FZD7: variants seen among roughly 807,000 people sequenced by gnomAD.
The protein encoded by FZD7 is frizzled class receptor 7, also known as frizzled-7.
A neutral mutation model predicts 39.0 loss-of-function variants in FZD7; 21 were observed. The ratio of observed to expected loss-of-function variants is 0.54; its 90% CI spans 0.38 to 0.78. The LOEUF is 0.78. FZD7 is among the 30% of genes least tolerant of loss of function. FZD7 has a pLI of 0.00. For synonymous variants in FZD7, 428 were observed against 364.9 expected (o/e 1.17, Z -1.97); for missense variants, 695 against 805.0 (o/e 0.86, Z 1.65).
At position 202,037,463 on chromosome 2, in the gene FZD7, T is replaced by A. The variant is rs1271539243; in HGVS notation, c.*1091T>A. 1 of 167,150 alleles carries A rather than the reference T, an allele frequency of 6.0e-6. No homozygotes were observed. The highest frequency in any genetic ancestry group is 2.4e-5 in the African/African-American group (1 of 41,478). The allele number at this position is 167,150 out of a possible 1,614,324, so 10.4% of individuals were successfully genotyped here. On this transcript the variant is annotated 3_prime_UTR_variant, in exon 1 of 1. Coordinates refer to ENST00000286201, the MANE Select transcript of FZD7 (RefSeq NM_003507.2). ...GCTAAAGGAAATGTAAGAGGTTTTG[T>A]TGTCTGTTTTAAATAAATTTAATTC... is the stretch of plus-strand genomic sequence containing the variant.
Position 202,035,329 on chromosome 2 carries a change from C to G in FZD7, c.682C>G (p.Arg228Gly). 2 of 1,611,474 alleles carry G rather than the reference C, an allele frequency of 1.2e-6. No individual in the cohort carries two copies. Among genetic ancestry groups the G allele is most frequent in the African/African-American group, 1.3e-5 (1 of 75,050 alleles). The change falls in exon 1 of 1, where the codon CGC becomes GGC. Residue 228 changes from arginine (R) to glycine (G), a missense_variant. Physicochemically the swap from Arg to Gly is moderately radical, Grantham distance 125. Transcript: ENST00000286201. ...CCTGGGCTACCGCTTCCTGGGTGAG[C>G]GCGATTGTGGCGCCCCGTGCGAACC... Reference protein sequence around the residue: ...PYLGYRFLGERDCGAPCEPGR... With the variant: ...PYLGYRFLGEGDCGAPCEPGR...
chr2:202,037,847 G>T lies in FZD7; in HGVS notation c.*1475G>T, dbSNP rs1319853411. 6.0e-6 allele frequency: 1 copy of T among 167,076 alleles called. No homozygotes were observed. Among genetic ancestry groups the T allele is most frequent in the Non-Finnish European group, 1.5e-5 (1 of 68,118 alleles). 10.3% of individuals were successfully genotyped at this position (167,076 alleles called of 1,614,324 possible). On this transcript the variant is annotated 3_prime_UTR_variant, in exon 1 of 1. Coordinates refer to ENST00000286201, the MANE Select transcript of FZD7 (RefSeq NM_003507.2). ...CCATCTTTAAAGAAAGTCATTAAAA[G>T]AAGGTAAACTTCAAAGTGATTCTGG... is the stretch of plus-strand genomic sequence containing the variant.
In FZD7 at chr2:202,038,214, A is replaced by G. The variant is rs940385239; in HGVS notation, c.*1842A>G. The G allele has an allele frequency of 1.2e-5, 2 of 167,062 alleles. No homozygotes were observed. Among genetic ancestry groups the G allele is most frequent in the African/African-American group, 4.8e-5 (2 of 41,446 alleles). 10.3% of individuals were successfully genotyped at this position (167,062 alleles called of 1,614,324 possible). A position where few individuals can be genotyped will look rare whatever the true frequency, so the allele number is the denominator to read the frequency against. On this transcript the variant is annotated 3_prime_UTR_variant, in exon 1 of 1. Transcript: ENST00000286201. Reference sequence around the variant, plus strand: ...CTATCTCATCTGTCAGATTTTTAAAACTCCAACACAGGTTTTGGCATCTTT... The same window carrying G: ...CTATCTCATCTGTCAGATTTTTAAAGCTCCAACACAGGTTTTGGCATCTTT...
Position 202,035,802 on chromosome 2 carries a change from G to A in FZD7, c.1155G>A (p.Ala385=), listed in dbSNP as rs140334850. 3 of 1,614,078 alleles carry A rather than the reference G, an allele frequency of 1.9e-6. No homozygotes were observed. The highest frequency in any genetic ancestry group is 2.5e-6 in the Non-Finnish European group (3 of 1,180,018). The part of the protein sequence containing the change: ...EANSQYFHLA[A]WAVPAVKTIT... Reference sequence around the variant, plus strand: ...ACTCGCAGTACTTCCACCTGGCCGCGTGGGCCGTGCCCGCCGTCAAGACCA... The same window carrying A: ...ACTCGCAGTACTTCCACCTGGCCGCATGGGCCGTGCCCGCCGTCAAGACCA... The change falls in exon 1 of 1, where the codon GCG becomes GCA. Residue 385 remains alanine (A), a synonymous_variant. Transcript: ENST00000286201.
chr2:202,035,762 A>G lies in FZD7; in HGVS notation c.1115A>G (p.Glu372Gly). 6.2e-7 allele frequency: 1 copy of G among 1,614,030 alleles called. No individual in the cohort carries two copies. The highest frequency in any genetic ancestry group is 8.5e-7 in the Non-Finnish European group (1 of 1,180,024). ...FLAAGMKWGH[E>G]AIEANSQYFH... ...GCGGCCGGCATGAAGTGGGGCCACG[A>G]GGCCATCGAGGCCAACTCGCAGTAC... The change falls in exon 1 of 1, where the codon GAG becomes GGG. Residue 372 changes from glutamate (E) to glycine (G), a missense_variant. By Grantham distance (98) the Glu-to-Gly change is moderately conservative. Transcript: ENST00000286201.
Position 202,034,736 on chromosome 2 carries a change from C to T in FZD7, c.89C>T (p.Ala30Val), listed in dbSNP as rs942992895. Reference protein sequence around the residue: ...LALLGALSAGAGAQPYHGEKG... With the variant: ...LALLGALSAGVGAQPYHGEKG... Reference sequence around the variant, plus strand: ...CTGCTGGGCGCACTGTCCGCGGGCGCCGGGGCGCAGCCGTACCACGGAGAG... The same window carrying T: ...CTGCTGGGCGCACTGTCCGCGGGCGTCGGGGCGCAGCCGTACCACGGAGAG... Residue 30 changes from alanine (A) to valine (V), a missense_variant, in exon 1 of 1, where the codon GCC (alanine) becomes GTC (valine). Transcript: ENST00000286201. The T allele has an allele frequency of 6.2e-7, 1 of 1,611,950 alleles. No individual in the cohort carries two copies. The highest frequency in any genetic ancestry group is 1.1e-5 in the South Asian group (1 of 90,994).
rs200370632 is a variant in FZD7 at position 202,036,186 on chromosome 2, G to A, written c.1539G>A (p.Val513=). The A allele has an allele frequency of 8.7e-6, 14 of 1,613,472 alleles. No homozygotes were observed. In the African/African-American group the frequency reaches 1.6e-4, roughly 18 times the overall value. Residue 513 remains valine (V), a synonymous_variant, in exon 1 of 1, where the codon GTG becomes GTA. Transcript: ENST00000286201. ...WLLQTCKSYA[V]PCPPGHFPPM... ...TGCAGACGTGCAAGAGCTATGCCGT[G>A]CCCTGCCCGCCCGGCCACTTCCCGC...
Position 202,036,433 on chromosome 2 carries a change from G to A in FZD7, c.*61G>A. 2.3e-6 allele frequency: 3 copies of A among 1,287,586 alleles called. No homozygotes were observed. The highest frequency in any genetic ancestry group is 3.3e-6 in the Non-Finnish European group (3 of 914,596). The allele number at this position is 1,287,586 out of a possible 1,614,324, so 79.8% of individuals were successfully genotyped here. A position where few individuals can be genotyped will look rare whatever the true frequency, so the allele number is the denominator to read the frequency against. On this transcript the variant is annotated 3_prime_UTR_variant, in exon 1 of 1. Transcript: ENST00000286201. ...TCTTGCAAGAGGAGAGGCACGGTAG[G>A]GAAAAGAACTGCTGGGTGGGGGCCT...
At position 202,037,272 on chromosome 2, in the gene FZD7, C is replaced by T. The variant is rs1688762448; in HGVS notation, c.*900C>T. 1 of 167,012 alleles carries T rather than the reference C, an allele frequency of 6.0e-6. No individual in the cohort carries two copies. The highest frequency in any genetic ancestry group is 2.4e-5 in the African/African-American group (1 of 41,448). 10.3% of individuals were successfully genotyped at this position (167,012 alleles called of 1,614,324 possible). On this transcript the variant is annotated 3_prime_UTR_variant, in exon 1 of 1. Coordinates refer to ENST00000286201, the MANE Select transcript of FZD7 (RefSeq NM_003507.2). ...GACAAAAGAGGAAACAAAAGTGTCT[C>T]CCTGTGGAAAGGCATAACTGTGACG...
At position 202,037,624 on chromosome 2, in the gene FZD7, ACAT is replaced by A. The variant is rs1688767662; in HGVS notation, c.*1253_*1255del. 1 of 165,666 alleles carries A rather than the reference ACAT, an allele frequency of 6.0e-6. No homozygotes were observed. Among genetic ancestry groups the A allele is most frequent in the Non-Finnish European group, 1.5e-5 (1 of 67,340 alleles). 10.3% of individuals were successfully genotyped at this position (165,666 alleles called of 1,614,324 possible). ...CATTTGGATCCTTTGAGGTAAAAAAACATAATGTCTTCAGCCTCATAATAAAGG... is the reference window on the plus strand; with the variant it reads ...CATTTGGATCCTTTGAGGTAAAAAAAAATGTCTTCAGCCTCATAATAAAGG... On this transcript the variant is annotated 3_prime_UTR_variant, in exon 1 of 1. Coordinates refer to ENST00000286201, the MANE Select transcript of FZD7 (RefSeq NM_003507.2).
chr2:202,035,615 G>A lies in FZD7; in HGVS notation c.968G>A (p.Gly323Asp). The part of the protein sequence containing the change: ...AVCVERFSDD[G>D]YRTVAQGTKK... ...TGCGTGGAGCGCTTCTCGGACGATG[G>A]CTACCGCACGGTGGCGCAGGGCACC... The change falls in exon 1 of 1, where the codon GGC (glycine) becomes GAC (aspartate). Residue 323 changes from glycine to aspartate, a missense_variant. Coordinates refer to ENST00000286201, the MANE Select transcript of FZD7 (RefSeq NM_003507.2). 6.2e-7 allele frequency: 1 copy of A among 1,614,194 alleles called. No individual in the cohort carries two copies. The highest frequency in any genetic ancestry group is 8.5e-7 in the Non-Finnish European group (1 of 1,180,038).
In FZD7 at chr2:202,037,365, T is replaced by G. The variant is rs1042847502; in HGVS notation, c.*993T>G. 1 of 167,124 alleles carries G rather than the reference T, an allele frequency of 6.0e-6. No individual in the cohort carries two copies. Among genetic ancestry groups the G allele is most frequent in the African/African-American group, 2.4e-5 (1 of 41,462 alleles). The allele number at this position is 167,124 out of a possible 1,614,324, so 10.4% of individuals were successfully genotyped here. ...CCGTTGGTTGTTAATTTGGTTGAGATAAACATTCCTTTTTAAGGAAAAGTG... is the reference window on the plus strand; with the variant it reads ...CCGTTGGTTGTTAATTTGGTTGAGAGAAACATTCCTTTTTAAGGAAAAGTG... On this transcript the variant is annotated 3_prime_UTR_variant, in exon 1 of 1. Transcript: ENST00000286201.
rs1319853411 is a variant in FZD7 at position 202,037,847 on chromosome 2, G to A, written c.*1475G>A. On this transcript the variant is annotated 3_prime_UTR_variant, in exon 1 of 1. Transcript: ENST00000286201. ...CCATCTTTAAAGAAAGTCATTAAAAGAAGGTAAACTTCAAAGTGATTCTGG... is the reference window on the plus strand; with the variant it reads ...CCATCTTTAAAGAAAGTCATTAAAAAAAGGTAAACTTCAAAGTGATTCTGG... The A allele has an allele frequency of 1.2e-5, 2 of 167,076 alleles. No individual in the cohort carries two copies. Among genetic ancestry groups the A allele is most frequent in the African/African-American group, 4.8e-5 (2 of 41,440 alleles). The allele number at this position is 167,076 out of a possible 1,614,324, so 10.3% of individuals were successfully genotyped here.
rs1057439941 is a variant in FZD7, at chr2:202,034,443, G to A, written c.-205G>A. The A allele has an allele frequency of 1.6e-5, 5 of 322,364 alleles. No homozygotes were observed. The East Asian group carries it at 2.6e-4, about 17-fold the overall frequency. The allele number at this position is 322,364 out of a possible 1,614,324, so 20.0% of individuals were successfully genotyped here. ...TTTTGGGCCCCCGGCGGCCCTGCGAGTGCAGGGCGGCGGCGTCTGCGGCGC... is the reference window on the plus strand; with the variant it reads ...TTTTGGGCCCCCGGCGGCCCTGCGAATGCAGGGCGGCGGCGTCTGCGGCGC... On this transcript the variant is annotated 5_prime_UTR_variant, in exon 1 of 1. It adds an upstream start codon to the 5' untranslated region. Transcript: ENST00000286201.
rs1486871073 is a variant in FZD7, at chr2:202,036,218, G to A, written c.1571G>A (p.Ser524Asn). 1 of 1,613,592 alleles carries A rather than the reference G, an allele frequency of 6.2e-7. No individual in the cohort carries two copies. The highest frequency in any genetic ancestry group is 1.7e-5 in the Admixed American group (1 of 60,012). Residue 524 changes from serine (S) to asparagine (N), a missense_variant, in exon 1 of 1, where the codon AGC becomes AAC. Ser to Asn is a conservative substitution (Grantham distance 46). Coordinates refer to ENST00000286201, the MANE Select transcript of FZD7 (RefSeq NM_003507.2). ...PCPPGHFPPM[S>N]PDFTVFMIKY... ...CCGCCCGGCCACTTCCCGCCCATGAGCCCCGACTTCACCGTCTTCATGATC... is the reference window on the plus strand; with the variant it reads ...CCGCCCGGCCACTTCCCGCCCATGAACCCCGACTTCACCGTCTTCATGATC...
rs766640598 is a variant in FZD7, at chr2:202,034,605, C to A, written c.-43C>A. The A allele has an allele frequency of 1.3e-6, 2 of 1,482,504 alleles. No individual in the cohort carries two copies. The highest frequency in any genetic ancestry group is 4.6e-5 in the Admixed American group (2 of 43,112). 91.8% of individuals were successfully genotyped at this position (1,482,504 alleles called of 1,614,324 possible). A position where few individuals can be genotyped will look rare whatever the true frequency, so the allele number is the denominator to read the frequency against. Reference sequence around the variant, plus strand: ...TCCAAGCCTCTCCCAACCGCCTCGTCGCACTCCTCAGGCTGAGAGCACCGC... The same window carrying A: ...TCCAAGCCTCTCCCAACCGCCTCGTAGCACTCCTCAGGCTGAGAGCACCGC... On this transcript the variant is annotated 5_prime_UTR_variant, in exon 1 of 1. It introduces an in-frame stop codon into an upstream open reading frame of the 5' UTR. Transcript: ENST00000286201.
rs1486923501 is a variant in FZD7, at chr2:202,035,426, G to A, written c.779G>A (p.Trp260Ter). ...RRFARLWVGV[W>*]SVLCCASTLF... ...TTCGCCCGCCTCTGGGTGGGCGTGT[G>A]GTCCGTGCTGTGCTGCGCCTCGACG... The change falls in exon 1 of 1, where the codon TGG (tryptophan) becomes TAG (stop). Residue 260 changes from tryptophan to a stop codon, truncating the protein, a stop_gained. Coordinates refer to ENST00000286201, the MANE Select transcript of FZD7 (RefSeq NM_003507.2). LOFTEE classifies it high-confidence loss of function. 2 of 1,613,964 alleles carry A rather than the reference G, an allele frequency of 1.2e-6. No homozygotes were observed. The highest frequency in any genetic ancestry group is 1.7e-6 in the Non-Finnish European group (2 of 1,179,980).
Position 202,036,466 on chromosome 2 carries a change from T to A in FZD7, c.*94T>A. ...ACTGCTGGGTGGGGGCCTGTTTCTG[T>A]AACTTTCTCCCCCTCTACTGAGAAG... On this transcript the variant is annotated 3_prime_UTR_variant, in exon 1 of 1. Coordinates refer to ENST00000286201, the MANE Select transcript of FZD7 (RefSeq NM_003507.2). The A allele has an allele frequency of 1.0e-6, 1 of 968,916 alleles. No homozygotes were observed. Among genetic ancestry groups the A allele is most frequent in the Non-Finnish European group, 1.5e-6 (1 of 650,000 alleles). 60.0% of individuals were successfully genotyped at this position (968,916 alleles called of 1,614,324 possible).
At position 202,035,830 on chromosome 2, in the gene FZD7, AC is replaced by A; in HGVS notation, c.1184del (p.Thr395IlefsTer8). 6.2e-7 allele frequency: 1 copy of A among 1,613,974 alleles called. No homozygotes were observed. The highest frequency in any genetic ancestry group is 8.5e-7 in the Non-Finnish European group (1 of 1,179,992). ...GGCCGTGCCCGCCGTCAAGACCATC[AC>A]TATCCTGGCCATGGGCCAGGTAGAC... is the stretch of plus-strand genomic sequence containing the variant. ...AWAVPAVKTI[T>X]ILAMGQVDGD... On this transcript the variant is annotated frameshift_variant, in exon 1 of 1. Transcript: ENST00000286201. LOFTEE classifies it high-confidence loss of function.
Sources: gnomAD v4.1 joint callset for allele counts on GRCh38, gnomAD v4.1.1 for gene constraint, MANE v1.5 for transcripts, NCBI Gene and HGNC (gene_info 2026-07-23, HGNC 2026-07-21) for gene names.